RHBDL3: variants seen among roughly 807,000 people sequenced by gnomAD.
The protein encoded by RHBDL3 is rhomboid like 3, also known as rhomboid-related protein 3.
RHBDL3 carries 28 observed loss-of-function variants against 48.2 expected under a neutral mutation model. That is an observed-to-expected ratio of 0.58 (90% confidence interval 0.43 to 0.80). The LOEUF (loss-of-function observed/expected upper bound fraction) is 0.80, where lower values mean the gene tolerates loss of function less well. RHBDL3 is among the 30% of genes least tolerant of loss of function. The pLI, the probability that RHBDL3 is intolerant of heterozygous loss-of-function variation, is 0.00. For synonymous variants in RHBDL3, 208 were observed against 232.3 expected (o/e 0.90, Z 0.95); for missense variants, 464 against 542.7 (o/e 0.85, Z 1.44).
intron 2 of RHBDL3, among the ~76,000 whole-genome samples, chr17:32,268,173 C>A (rs1236199089): frequency 1.3e-5 from 2 of 152,138 alleles, no homozygotes; most frequent in Non-Finnish European, 2.9e-5. Flanking sequence ...GGGTTTACAC[C>A]ATGTAGAAAT....
intron 7 of RHBDL3, among the ~76,000 whole-genome samples, chr17:32,309,002 G>A (rs1041011333): frequency 2.0e-5 from 3 of 151,568 alleles, no homozygotes; most frequent in Non-Finnish European, 4.4e-5. Flanking sequence ...GGAGGCAGAG[G>A]TTGCAGTGAG....
At chr17:32,304,329 C>G (rs1042197094) in intron 6 of RHBDL3, among the ~76,000 whole-genome samples, 4 of 152,126 alleles carry the variant, frequency 2.6e-5, no homozygotes, top group African/African-American at 9.7e-5. Flanking sequence ...AAGCAGTTTT[C>G]TAGATGCTGT....
At chr17:32,271,934 C>T (rs1021984094) in intron 2 of RHBDL3, among the ~76,000 whole-genome samples, 1 of 152,176 alleles carries the variant, frequency 6.6e-6, no homozygotes, top group African/African-American at 2.4e-5. Flanking sequence ...TCCGCCGCTT[C>T]GGTGGGTTGC....
At chr17:32,294,548 G>A in intron 5 of RHBDL3, 106 bp downstream of exon 5, 2 of 1,164,102 alleles carry the variant, frequency 1.7e-6, no homozygotes, top group Non-Finnish European at 2.3e-6. Context: ...TATCTATTTG[G>A]ACATAGGATT....
At chr17:32,275,811 A>G in intron 2 of RHBDL3, among the ~76,000 whole-genome samples, 1 of 152,180 alleles carries the variant, frequency 6.6e-6, no homozygotes, top group East Asian at 1.9e-4. Flanking sequence ...GTGGCAGCTG[A>G]GGGAGCAGAA....
chr17:32,317,041 T>C (rs1367447132), intron 8 of RHBDL3, among the ~76,000 whole-genome samples: 2 of 151,696 alleles, frequency 1.3e-5, no homozygotes, highest in African/African-American at 4.8e-5. Context: ...CCAGCTACTT[T>C]TTTGTATTTT....
chr17:32,310,883 CAAAAAA>C (rs11348841), intron 7 of RHBDL3, among the ~76,000 whole-genome samples: 35 of 55,556 alleles, frequency 6.3e-4, no homozygotes, highest in Non-Finnish European at 1.0e-3. Context: ...GGCTCCATCT[CAAAAAA>C]AAAAAAAAAA....
intron 6 of RHBDL3, 95 bp downstream of exon 6, chr17:32,298,299 C>T: frequency 1.4e-6 from 1 of 731,008 alleles, no homozygotes. Flanking sequence ...TTCCAGGACA[C>T]ACAGAAGATC....
intron 2 of RHBDL3, among the ~76,000 whole-genome samples, chr17:32,277,936 A>G (rs981061693): frequency 6.6e-6 from 1 of 152,230 alleles, no homozygotes; most frequent in African/African-American, 2.4e-5. Context: ...TTCCACTTGT[A>G]GGACCACAGA....
intron 8 of RHBDL3, among the ~76,000 whole-genome samples, chr17:32,316,842 T>A (rs2040987041): frequency 6.6e-6 from 1 of 150,526 alleles, no homozygotes; most frequent in African/African-American, 2.4e-5. Context: ...ATTTTATATT[T>A]TATTTTATTT....
intron 1 of RHBDL3, 22 bp downstream of exon 1, chr17:32,266,322 G>T: frequency 7.5e-7 from 1 of 1,336,264 alleles, no homozygotes; most frequent in Non-Finnish European, 9.9e-7. Flanking sequence ...CTCCCCGCCC[G>T]GCAAACTTTC....
intron 1 of RHBDL3, among the ~76,000 whole-genome samples, chr17:32,266,513 C>T (rs1468378622): frequency 3.3e-5 from 5 of 152,204 alleles, no homozygotes; most frequent in Middle Eastern, 3.4e-3. Context: ...CCGCGGCTTC[C>T]CTGCGGGACA....
chr17:32,295,966 C>T lies in RHBDL3; in HGVS notation c.668+1524C>T, dbSNP rs990953097. Among the ~76,000 whole-genome samples the T allele has an allele frequency of 1.6e-4, 24 of 152,198 alleles. 1 individual carries two copies. Among genetic ancestry groups the T allele is most frequent in the Admixed American group, 1.3e-3 (20 of 15,284 alleles). On this transcript the variant is annotated intron_variant, in intron 5 of 8. Coordinates refer to ENST00000269051, the MANE Select transcript of RHBDL3 (RefSeq NM_138328.3). Reference sequence around the variant, plus strand: ...GTCCAGCCGGGCGCGGTGGCTCACGCCTGTAATCCCAGCACTTTGGGGGGC... The same window carrying T: ...GTCCAGCCGGGCGCGGTGGCTCACGTCTGTAATCCCAGCACTTTGGGGGGC...
rs1219748295 is a variant in RHBDL3 at position 32,324,031 on chromosome 17, A to C, written c.*2802A>C. 6.6e-6 allele frequency: 1 copy of C among 152,338 alleles called. No homozygotes were observed. The highest frequency in any genetic ancestry group is 1.5e-5 in the Non-Finnish European group (1 of 68,170). The allele number at this position is 152,338 out of a possible 1,614,324, so 9.4% of individuals were successfully genotyped here. ...CCTTGTCTGAGGTGGCTGCCAGCCC[A>C]GGGGGTGGTGTGTAAATCTTCAGGC... is the stretch of plus-strand genomic sequence containing the variant. On this transcript the variant is annotated 3_prime_UTR_variant, in exon 9 of 9. Coordinates refer to ENST00000269051, the MANE Select transcript of RHBDL3 (RefSeq NM_138328.3).
chr17:32,300,646 C>T (rs2040560530), intron 6 of RHBDL3, among the ~76,000 whole-genome samples: 1 of 152,208 alleles, frequency 6.6e-6, no homozygotes, highest in South Asian at 2.1e-4. Context: ...TGTTTCCAAT[C>T]CACACTTTGT....
chr17:32,316,670 G>A (rs907577055), intron 8 of RHBDL3, among the ~76,000 whole-genome samples: 2 of 151,560 alleles, frequency 1.3e-5, no homozygotes, highest in African/African-American at 4.8e-5. Flanking sequence ...ACATGTGTGG[G>A]TCCATGCCTG....
intron 5 of RHBDL3, among the ~76,000 whole-genome samples, chr17:32,294,945 G>A (rs1052872748): frequency 1.3e-5 from 2 of 152,172 alleles, no homozygotes; most frequent in Non-Finnish European, 2.9e-5. Context: ...CAGCACAATC[G>A]GTTCTCACTG....
chr17:32,274,287 A>G (rs922262584), intron 2 of RHBDL3, among the ~76,000 whole-genome samples: 5 of 152,146 alleles, frequency 3.3e-5, no homozygotes, highest in East Asian at 1.9e-4. Flanking sequence ...TGATCTGGCA[A>G]TTCCTGCTGG....
intron 7 of RHBDL3, among the ~76,000 whole-genome samples, chr17:32,312,776 C>T (rs550190232): frequency 1.3e-5 from 2 of 152,106 alleles, no homozygotes; most frequent in South Asian, 2.1e-4. Context: ...CGTCAGCCTC[C>T]CAAAGTGCTG....
Sources: gnomAD v4.1 joint callset for allele counts (sites outside exome capture counted in the v4.1 genomes callset) on GRCh38, gnomAD v4.1.1 for gene constraint, MANE v1.5 for transcripts, NCBI Gene and HGNC (gene_info 2026-07-23, HGNC 2026-07-21) for gene names.